PLCG2: variants seen among roughly 807,000 people sequenced by gnomAD.
PLCG2 encodes 1-phosphatidylinositol 4,5-bisphosphate phosphodiesterase gamma-2.
PLCG2 carries 69 observed loss-of-function variants against 175.6 expected under a neutral mutation model. The observed-to-expected ratio is 0.39, with a 90% CI of 0.32 to 0.48. The LOEUF (loss-of-function observed/expected upper bound fraction) is 0.48. Among genes scored for constraint, PLCG2 ranks in the 20% least tolerant of loss-of-function variants. The pLI is 0.91. For synonymous variants in PLCG2, 827 were observed against 624.0 expected (o/e 1.33, Z -4.85); for missense variants, 1,798 against 1,650.9 (o/e 1.09, Z -1.54).
intron 5 of PLCG2, 70 bp from the exon 6 acceptor site, chr16:81,869,144 A>T: frequency 8.6e-7 from 1 of 1,158,406 alleles, no homozygotes; most frequent in East Asian, 2.3e-5. Flanking sequence ...GTGGGAACTG[A>T]TGGGAGCAGC....
chr16:81,840,411 G>A (rs1905760898), intron 2 of PLCG2, among the ~76,000 whole-genome samples: 1 of 152,164 alleles, frequency 6.6e-6, no homozygotes, highest in Admixed American at 6.5e-5. Context: ...GCATTACATT[G>A]ATTGTGTACT....
At chr16:81,887,410 C>T (rs190327459) in intron 9 of PLCG2, among the ~76,000 whole-genome samples, 3 of 152,318 alleles carry the variant, frequency 2.0e-5, no homozygotes, top group South Asian at 2.1e-4. Flanking sequence ...TGAGCCACCA[C>T]GCCCGGCCTA....
chr16:81,806,329 C>A (rs1410453077), intron 2 of PLCG2, among the ~76,000 whole-genome samples: 1 of 151,956 alleles, frequency 6.6e-6, no homozygotes, highest in East Asian at 1.9e-4. Context: ...TAGTGGTGCT[C>A]CCTGTGTGTG....
Position 81,961,596 on chromosome 16 carries a change from T to C in PLCG2, c.*3598T>C. On this transcript the variant is annotated 3_prime_UTR_variant, in exon 33 of 33. Transcript: ENST00000564138. ...GGGAGAAGTGGTATGAAAATACAAA[T>C]TCAAGGAGTAAAAGGAAAAGTGGGG... The C allele has an allele frequency of 4.6e-6, 1 of 216,014 alleles. No individual in the cohort carries two copies. Among genetic ancestry groups the C allele is most frequent in the Non-Finnish European group, 9.3e-6 (1 of 107,338 alleles). The allele number at this position is 216,014 out of a possible 1,614,324, so 13.4% of individuals were successfully genotyped here.
chr16:81,882,596 G>A (rs1908138543), intron 8 of PLCG2, among the ~76,000 whole-genome samples: 1 of 152,032 alleles, frequency 6.6e-6, no homozygotes, highest in Non-Finnish European at 1.5e-5. Flanking sequence ...CACACCTTTT[G>A]CTCTGCAATC....
upstream of PLCG2, among the ~76,000 whole-genome samples, chr16:81,774,736 C>T (rs1365134419): frequency 6.7e-6 from 1 of 150,236 alleles, no homozygotes; most frequent in Non-Finnish European, 1.5e-5. Flanking sequence ...AAATAACCCT[C>T]TAAGGGTGTT....
At chr16:81,900,555 G>C in intron 13 of PLCG2, 57 bp from the exon 14 acceptor site, 1 of 1,483,066 alleles carries the variant, frequency 6.7e-7, no homozygotes, top group African/African-American at 1.4e-5. Flanking sequence ...CCTCTGTGGG[G>C]CAGATGCAGA....
At position 81,938,834 on chromosome 16, in the gene PLCG2, C is replaced by T. The variant is rs1910822828; in HGVS notation, c.3232C>T (p.Arg1078Ter). ...LGARHLPKLG[R>*]SIACPFVEVE... ...TGCTCGCCATCTCCCCAAACTTGGA[C>T]GAAGTATTGCCTGTCCCTTTGTAGA... The change falls in exon 29 of 33, where the codon CGA becomes TGA. Residue 1078 changes from arginine to a stop codon, truncating the protein, a stop_gained. Transcript: ENST00000564138. LOFTEE classifies it high-confidence loss of function. The T allele has an allele frequency of 3.1e-6, 5 of 1,613,336 alleles. No homozygotes were observed. The highest frequency in any genetic ancestry group is 3.4e-6 in the Non-Finnish European group (4 of 1,179,606).
chr16:81,877,973 A>ATTTTTTTTT (rs71146052), intron 7 of PLCG2, among the ~76,000 whole-genome samples: 3 of 55,762 alleles, frequency 5.4e-5, no homozygotes, highest in African/African-American at 8.2e-5. Context: ...TTTTTTTTTA[A>ATTTTTTTTT]TTTTTTTTTT....
At chr16:81,772,433 C>G (rs966609418) in intron 2 of PLCG2, among the ~76,000 whole-genome samples, 1 of 151,894 alleles carries the variant, frequency 6.6e-6, no homozygotes, top group Non-Finnish European at 1.5e-5. Flanking sequence ...TTTAAGTCAC[C>G]AAGTTCATGG....
At chr16:81,841,328 C>T (rs898135320) in intron 2 of PLCG2, among the ~76,000 whole-genome samples, 8 of 152,008 alleles carry the variant, frequency 5.3e-5, no homozygotes, top group African/African-American at 1.9e-4. Flanking sequence ...CCTCCGTCTC[C>T]TGGGCTCAAG....
chr16:81,914,242 C>G (rs557705918), intron 19 of PLCG2, among the ~76,000 whole-genome samples: 107 of 152,384 alleles, frequency 7.0e-4, no homozygotes, highest in Non-Finnish European at 1.1e-3. Context: ...TGAGACAGCT[C>G]TGACACAACC....
upstream of PLCG2, among the ~76,000 whole-genome samples, chr16:81,777,793 A>T (rs1910465506): frequency 6.6e-6 from 1 of 152,148 alleles, no homozygotes; most frequent in South Asian, 2.1e-4. Flanking sequence ...AGGTGGGTGG[A>T]TCACTTGAGG....
intron 2 of PLCG2, among the ~76,000 whole-genome samples, chr16:81,760,755 A>ATAAAT (rs1555562056): frequency 6.0e-5 from 5 of 82,648 alleles, no homozygotes; most frequent in Admixed American, 4.5e-4. Flanking sequence ...TATTAAAAAA[A>ATAAAT]AAAATAATAA....
intron 19 of PLCG2, among the ~76,000 whole-genome samples, chr16:81,914,451 G>A (rs1909756880): frequency 6.6e-6 from 1 of 152,210 alleles, no homozygotes; most frequent in African/African-American, 2.4e-5. Context: ...CACTTCAATG[G>A]GACCGCGTGA....
Position 81,910,569 on chromosome 16 carries a change from G to T in PLCG2, c.1783G>T (p.Gly595Trp). Residue 595 changes from glycine to tryptophan, a missense_variant, in exon 18 of 33, where the codon GGG becomes TGG. Coordinates refer to ENST00000564138, the MANE Select transcript of PLCG2 (RefSeq NM_002661.5). ...HCRIRSTMEG[G>W]TLKYYLTDNL... Reference sequence around the variant, plus strand: ...CCGGATCCGCTCCACCATGGAGGGCGGGACCCTGAAATACTACTTGACTGA... The same window carrying T: ...CCGGATCCGCTCCACCATGGAGGGCTGGACCCTGAAATACTACTTGACTGA... 6.2e-7 allele frequency: 1 copy of T among 1,614,142 alleles called. No individual in the cohort carries two copies. Among genetic ancestry groups the T allele is most frequent in the Non-Finnish European group, 8.5e-7 (1 of 1,180,010 alleles).
rs1396672657 is a variant in PLCG2 at position 81,912,715 on chromosome 16, A to C, written c.2053A>C (p.Arg685=). Residue 685 remains arginine (R), a splice_region_variant and synonymous_variant, in exon 19 of 33, where the codon AGG becomes CGG. Transcript: ENST00000564138. ...GAGCGACTCCTATGCCATCACCTTC[A>C]GGTGGGTGCGAGGGTGGGAGGCACA... is the stretch of plus-strand genomic sequence containing the variant. ...EGSDSYAITF[R]ARGKVKHCRI... is the part of the protein sequence containing the mutation. 5.0e-6 allele frequency: 8 copies of C among 1,602,086 alleles called. No homozygotes were observed. Among genetic ancestry groups the C allele is most frequent in the Non-Finnish European group, 6.8e-6 (8 of 1,174,184 alleles).
chr16:81,937,972 T>A, intron 28 of PLCG2, 69 bp downstream of exon 28: 1 of 1,494,956 alleles, frequency 6.7e-7, no homozygotes, highest in Non-Finnish European at 9.2e-7. Context: ...CGATGCTGTC[T>A]TGAGAGCAGG....
In PLCG2 at chr16:81,962,621, G is replaced by A. The variant is rs997981430; in HGVS notation, c.*4623G>A. 1 of 222,952 alleles carries A rather than the reference G, an allele frequency of 4.5e-6. No individual in the cohort carries two copies. The highest frequency in any genetic ancestry group is 2.2e-5 in the African/African-American group (1 of 44,912). 13.8% of individuals were successfully genotyped at this position (222,952 alleles called of 1,614,324 possible). A position where few individuals can be genotyped will look rare whatever the true frequency, so the allele number is the denominator to read the frequency against. ...TGAATGAGTCACACAGATGTTGGCT[G>A]TTGTTAATGTGAAAATTAAACAGCT... is the stretch of plus-strand genomic sequence containing the variant. On this transcript the variant is annotated 3_prime_UTR_variant, in exon 33 of 33. Transcript: ENST00000564138.
Sources: allele counts gnomAD v4.1 joint callset (sites outside exome capture counted in the v4.1 genomes callset), GRCh38; gene constraint gnomAD v4.1.1; transcripts MANE v1.5; gene names NCBI Gene and HGNC (gene_info 2026-07-23, HGNC 2026-07-21).